RGS7: variants seen among roughly 807,000 people sequenced by gnomAD.
RGS7 encodes the protein regulator of G-protein signaling 7.
RGS7 carries 27 observed loss-of-function variants against 81.1 expected under a neutral mutation model. The ratio of observed to expected loss-of-function variants is 0.33; its 90% CI spans 0.25 to 0.46. The LOEUF (loss-of-function observed/expected upper bound fraction) is 0.46. Among genes scored for constraint, RGS7 ranks in the 20% least tolerant of loss-of-function variants. The pLI, the probability that RGS7 is intolerant of heterozygous loss-of-function variation, is 1.00. For missense variants in RGS7, 396 were observed against 607.4 expected (o/e 0.65, Z 3.66); for synonymous variants, 208 against 207.7 (o/e 1.00, Z -0.01).
At chr1:241,191,303 AT>A (rs573102829) in intron 2 of RGS7, among the ~76,000 whole-genome samples, 3 of 151,922 alleles carry the variant, frequency 2.0e-5, no homozygotes, top group Admixed American at 6.6e-5. Context: ...TTTTATGAGA[AT>A]TTTTTTATCA....
intron 4 of RGS7, among the ~76,000 whole-genome samples, chr1:240,971,274 G>A (rs1259791386): frequency 6.6e-6 from 1 of 152,156 alleles, no homozygotes; most frequent in Non-Finnish European, 1.5e-5. Context: ...GGACTTCCCA[G>A]TTTCCCAAAC....
At chr1:241,252,451 G>A (rs1224408635) in intron 2 of RGS7, among the ~76,000 whole-genome samples, 2 of 152,156 alleles carry the variant, frequency 1.3e-5, no homozygotes, top group Non-Finnish European at 2.9e-5. Context: ...CCTTGCCCCT[G>A]AGCTGACACC....
chr1:240,857,439 A>G (rs527718863), intron 9 of RGS7, among the ~76,000 whole-genome samples: 1 of 152,312 alleles, frequency 6.6e-6, no homozygotes, highest in Admixed American at 6.5e-5. Context: ...GGTGCTACAT[A>G]CACTGTATAG....
intron 2 of RGS7, among the ~76,000 whole-genome samples, chr1:241,324,522 G>A (rs939324855): frequency 2.6e-5 from 4 of 152,034 alleles, no homozygotes; most frequent in Admixed American, 6.6e-5. Flanking sequence ...CTTCTAATAC[G>A]TGTACCCTTT....
At chr1:241,262,935 C>T (rs1181341548) in intron 2 of RGS7, among the ~76,000 whole-genome samples, 2 of 152,082 alleles carry the variant, frequency 1.3e-5, no homozygotes, top group Admixed American at 6.5e-5. Flanking sequence ...GCCGTCTCTA[C>T]TAAAAATACA....
At chr1:241,244,891 G>A (rs1353792970) in intron 2 of RGS7, among the ~76,000 whole-genome samples, 1 of 149,354 alleles carries the variant, frequency 6.7e-6, no homozygotes, top group African/African-American at 2.5e-5. Context: ...CTCACTCATA[G>A]GTGGGAATTG....
At chr1:240,803,851 TTC>T (rs1031039537) in intron 15 of RGS7, among the ~76,000 whole-genome samples, 3 of 151,984 alleles carry the variant, frequency 2.0e-5, no homozygotes, top group African/African-American at 7.2e-5. Flanking sequence ...CAGTTTTCTT[TTC>T]TTTCTTTTTT....
chr1:241,327,537 T>A (rs2081674682), intron 2 of RGS7, among the ~76,000 whole-genome samples: 1 of 152,176 alleles, frequency 6.6e-6, no homozygotes, highest in Non-Finnish European at 1.5e-5. Context: ...TCATGTGTCA[T>A]TATTATAATG....
Position 240,836,820 on chromosome 1 carries a change from T to A in RGS7, c.610-9648A>T, listed in dbSNP as rs576750021. On this transcript the variant is annotated intron_variant, in intron 9 of 18. Transcript: ENST00000440928. ...AATCTGCAACATTAAAACATGATGA[T>A]CAATTCCTGAGAATTTGGTGGAGCT... Among the ~76,000 whole-genome samples, 38 of 152,236 alleles carry A rather than the reference T, an allele frequency of 2.5e-4. 1 individual carries two copies. The highest frequency in any genetic ancestry group is 4.7e-4 in the Non-Finnish European group (32 of 68,040).
chr1:241,049,826 C>T (rs915906397), intron 3 of RGS7, among the ~76,000 whole-genome samples: 2 of 152,074 alleles, frequency 1.3e-5, no homozygotes, highest in Admixed American at 6.5e-5. Flanking sequence ...GTCTCCAGGC[C>T]CTTGGGACAG....
intron 10 of RGS7, among the ~76,000 whole-genome samples, chr1:240,821,808 G>T (rs890613152): frequency 1.3e-5 from 2 of 152,180 alleles, no homozygotes; most frequent in Admixed American, 6.5e-5. Context: ...AGAGGAAAAA[G>T]AGAACAGGAT....
At chr1:241,077,124 T>C (rs1021239354) in intron 3 of RGS7, among the ~76,000 whole-genome samples, 1 of 152,202 alleles carries the variant, frequency 6.6e-6, no homozygotes, top group Admixed American at 6.5e-5. Context: ...AATAATAATT[T>C]CACACATAAT....
chr1:241,109,841 C>A (rs1401402424), intron 2 of RGS7, among the ~76,000 whole-genome samples: 2 of 151,736 alleles, frequency 1.3e-5, no homozygotes, highest in Non-Finnish European at 1.5e-5. Context: ...GCCTGTAATC[C>A]CAGCTACTCA....
chr1:241,219,363 T>G (rs185859945), intron 2 of RGS7, among the ~76,000 whole-genome samples: 196 of 152,332 alleles, frequency 1.3e-3, no homozygotes, highest in Middle Eastern at 6.8e-3. Flanking sequence ...AGACGTGACG[T>G]GATCCTCCTT....
At chr1:241,011,324 G>A (rs1297519975) in intron 3 of RGS7, among the ~76,000 whole-genome samples, 2 of 152,150 alleles carry the variant, frequency 1.3e-5, no homozygotes, top group Non-Finnish European at 2.9e-5. Context: ...AGCAGGGGAG[G>A]AAACGGCCTC....
chr1:241,243,896 A>T (rs1003800834), intron 2 of RGS7, among the ~76,000 whole-genome samples: 5 of 151,898 alleles, frequency 3.3e-5, no homozygotes, highest in Admixed American at 1.3e-4. Context: ...TTCAAAGAAC[A>T]TTTTTTTTCA....
chr1:241,337,933 T>C (rs2082336659), intron 2 of RGS7, among the ~76,000 whole-genome samples: 1 of 152,216 alleles, frequency 6.6e-6, no homozygotes, highest in Non-Finnish European at 1.5e-5. Context: ...ATTGTTTTGG[T>C]TAGTGTTTAA....
At chr1:240,796,555 G>A (rs544223708) in intron 18 of RGS7, among the ~76,000 whole-genome samples, 33 of 152,202 alleles carry the variant, frequency 2.2e-4, no homozygotes, top group Admixed American at 9.8e-4. Context: ...GAGTGTTGGC[G>A]GGTGCCTGTA....
At chr1:240,983,052 C>A (rs201977149) in intron 4 of RGS7, 27 bp downstream of exon 4, 4 of 1,387,918 alleles carry the variant, frequency 2.9e-6, no homozygotes, top group Middle Eastern at 1.8e-4. Context: ...GAAAAAAGTT[C>A]TTGCAATGGG....
Sources: gnomAD v4.1 joint callset for allele counts (sites outside exome capture counted in the v4.1 genomes callset) on GRCh38, gnomAD v4.1.1 for gene constraint, MANE v1.5 for transcripts, NCBI Gene and HGNC (gene_info 2026-07-23, HGNC 2026-07-21) for gene names.